FAM135A: variants seen among roughly 807,000 people sequenced by gnomAD.
The protein encoded by FAM135A is family with sequence similarity 135 member A.
FAM135A carries 79 observed loss-of-function variants against 146.8 expected under a neutral mutation model. The ratio of observed to expected loss-of-function variants is 0.54; its 90% CI spans 0.45 to 0.65. The LOEUF is 0.65. FAM135A is among the 30% of genes least tolerant of loss of function. FAM135A has a pLI of 0.00. For missense variants in FAM135A, 1,623 were observed against 1,758.2 expected, an observed-to-expected ratio of 0.92 and a Z score of 1.38; for synonymous variants, 562 against 603.6, an observed-to-expected ratio of 0.93 and a Z score of 1.01.
intron 11 of FAM135A, among the ~76,000 whole-genome samples, chr6:70,492,598 GTCAGTGC>G (rs1363867863): frequency 1.3e-5 from 2 of 150,726 alleles, no homozygotes. Flanking sequence ...CAGGCTAATG[GTCAGTGC>G]TCACAATATA....
At chr6:70,477,420 G>T (rs561521628) in intron 8 of FAM135A, 88 bp downstream of exon 8, 5 of 1,344,310 alleles carry the variant, frequency 3.7e-6, no homozygotes, top group African/African-American at 3.0e-5. Flanking sequence ...AATAAAAGAG[G>T]TTTAATTGGG....
At chr6:70,555,612 A>T (rs1368390281) in intron 20 of FAM135A, among the ~76,000 whole-genome samples, 1 of 151,970 alleles carries the variant, frequency 6.6e-6, no homozygotes, top group Non-Finnish European at 1.5e-5. Flanking sequence ...GTCTTAGATG[A>T]CTCCAGGGGT....
chr6:70,446,340 T>C (rs1562434537), intron 4 of FAM135A, among the ~76,000 whole-genome samples: 1 of 152,222 alleles, frequency 6.6e-6, no homozygotes, highest in African/African-American at 2.4e-5. Flanking sequence ...GAACTCTTGC[T>C]GTACTTCTTA....
chr6:70,429,469 C>T (rs1379550051), intron 4 of FAM135A, among the ~76,000 whole-genome samples: 10 of 151,298 alleles, frequency 6.6e-5, no homozygotes, highest in East Asian at 1.9e-4. Context: ...GCCGAGATTG[C>T]GCTAGTGCAC....
In FAM135A at chr6:70,452,484, T is replaced by A. The variant is rs748185218; in HGVS notation, c.78-8T>A. On this transcript the variant is annotated splice_region_variant and splice_polypyrimidine_tract_variant and intron_variant, in intron 4 of 21. Transcript: ENST00000418814. ...TTTGAAATAACTTCCTTGTTTATTT[T>A]GCTTTAGTTTTTACCAGATTCGTGC... 1 of 1,589,370 alleles carries A rather than the reference T, an allele frequency of 6.3e-7. No individual in the cohort carries two copies. The highest frequency in any genetic ancestry group is 1.2e-5 in the South Asian group (1 of 85,532).
chr6:70,461,628 A>G (rs941277612), intron 5 of FAM135A, among the ~76,000 whole-genome samples: 1 of 152,200 alleles, frequency 6.6e-6, no homozygotes, highest in Non-Finnish European at 1.5e-5. Context: ...ATGAACTAGT[A>G]TGACCAAGAG....
intron 11 of FAM135A, among the ~76,000 whole-genome samples, chr6:70,501,703 C>T (rs1788587633): frequency 6.6e-6 from 1 of 152,168 alleles, no homozygotes; most frequent in African/African-American, 2.4e-5. Context: ...GTAGCACAGC[C>T]CTCATGGCTT....
intron 20 of FAM135A, among the ~76,000 whole-genome samples, chr6:70,543,411 A>G (rs190622061): frequency 6.6e-6 from 1 of 152,342 alleles, no homozygotes; most frequent in East Asian, 1.9e-4. Context: ...GTTGTTCTTA[A>G]TATGAGAAAG....
intron 21 of FAM135A, among the ~76,000 whole-genome samples, chr6:70,559,414 C>G (rs1451897155): frequency 6.6e-6 from 1 of 151,258 alleles, no homozygotes; most frequent in Non-Finnish European, 1.5e-5. Flanking sequence ...GCACTCCAGC[C>G]TGGGCAACAA....
At position 70,540,474 on chromosome 6, in the gene FAM135A, G is replaced by A. The variant is rs531426054; in HGVS notation, c.4228+2073G>A. On this transcript the variant is annotated intron_variant, in intron 20 of 21. Coordinates refer to ENST00000418814, the MANE Select transcript of FAM135A (RefSeq NM_001162529.3). ...TGAGTAGCTGGGACTACAGGCGCCC[G>A]CCACCACGCCCAGCTAATTTTTTGT... Among the ~76,000 whole-genome samples, 126 of 151,796 alleles carry A rather than the reference G, an allele frequency of 8.3e-4. 1 individual carries two copies. In the South Asian group the frequency reaches 0.012, roughly 14 times the overall value.
At chr6:70,417,434 A>G in intron 2 of FAM135A, 1 of 189,986 alleles carries the variant, frequency 5.3e-6, no homozygotes, top group Non-Finnish European at 9.7e-6. Context: ...GCAGGTCTCA[A>G]ACTCCTGGCC....
chr6:70,479,062 A>T (rs1245419299), intron 8 of FAM135A, among the ~76,000 whole-genome samples: 1 of 152,152 alleles, frequency 6.6e-6, no homozygotes, highest in Non-Finnish European at 1.5e-5. Flanking sequence ...TTGTAGTTTT[A>T]AGAAGAACCC....
At position 70,502,796 on chromosome 6, in the gene FAM135A, G is replaced by C; in HGVS notation, c.1029+5G>C. 2 of 1,602,732 alleles carry C rather than the reference G, an allele frequency of 1.2e-6. No homozygotes were observed. Among genetic ancestry groups the C allele is most frequent in the Non-Finnish European group, 1.7e-6 (2 of 1,175,186 alleles). On this transcript the variant is annotated splice_donor_5th_base_variant and intron_variant, in intron 12 of 21. Transcript: ENST00000418814. ...CAAGAGCACCATACTTTGAGGGTAAGTTAAAGAGAAGTGATTTTAGAGCAT... is the reference window on the plus strand; with the variant it reads ...CAAGAGCACCATACTTTGAGGGTAACTTAAAGAGAAGTGATTTTAGAGCAT...
In FAM135A at chr6:70,535,220, C is replaced by T. The variant is rs112232707; in HGVS notation, c.3966-1040C>T. Among the ~76,000 whole-genome samples the T allele has an allele frequency of 5.2e-3, 789 of 152,240 alleles. 5 individuals carry two copies. The highest frequency in any genetic ancestry group is 0.018 in the African/African-American group (737 of 41,556). On this transcript the variant is annotated intron_variant, in intron 18 of 21. Transcript: ENST00000418814. ...GGAGGGAAGTTTGTCCTGAGCGTCT[C>T]GCAAGATATACCTGTAAGCCAGTGT...
At chr6:70,446,915 T>G (rs1683058953) in intron 4 of FAM135A, among the ~76,000 whole-genome samples, 1 of 152,270 alleles carries the variant, frequency 6.6e-6, no homozygotes, top group Non-Finnish European at 1.5e-5. Context: ...GAATTAGAAC[T>G]TGTGCTCCGC....
rs58783773 is a variant in FAM135A at position 70,553,727 on chromosome 6, C to A, written c.4229-3023C>A. On this transcript the variant is annotated intron_variant, in intron 20 of 21. Coordinates refer to ENST00000418814, the MANE Select transcript of FAM135A (RefSeq NM_001162529.3). ...AAGCAGATATAAATTTAAAATTCTT[C>A]CAAACAATTAAAAATAAAATTTAAT... is the stretch of plus-strand genomic sequence containing the variant. 4.2e-3 allele frequency among the ~76,000 whole-genome samples: 643 copies of A among 151,544 alleles called. 4 individuals carry two copies. Among genetic ancestry groups the A allele is most frequent in the African/African-American group, 0.015 (606 of 41,266 alleles).
In FAM135A at chr6:70,536,323, A is replaced by C. The variant is rs374961365; in HGVS notation, c.4029A>C (p.Lys1343Asn). 2.5e-6 allele frequency: 4 copies of C among 1,613,516 alleles called. No homozygotes were observed. Among genetic ancestry groups the C allele is most frequent in the Non-Finnish European group, 1.7e-6 (2 of 1,179,698 alleles). ...CAGTGCTTACAAGGCCAAGGTTTAA[A>C]TATTACCTCAACAAACTTCATACCT... is the stretch of plus-strand genomic sequence containing the variant. ...IRSVLTRPRF[K>N]YYLNKLHTFL... The change falls in exon 19 of 22, where the codon AAA becomes AAC. Residue 1343 changes from lysine to asparagine, a missense_variant. Physicochemically the swap from Lys to Asn is moderately conservative, Grantham distance 94. Around this residue, in one of 7 missense-constraint regions of FAM135A, gnomAD observed 1,061 missense variants for 1,113.8 expected, o/e 0.95. Coordinates refer to ENST00000418814, the MANE Select transcript of FAM135A (RefSeq NM_001162529.3).
chr6:70,556,987 C>G (rs1321041186), intron 21 of FAM135A, 124 bp downstream of exon 21: 1 of 693,880 alleles, frequency 1.4e-6, no homozygotes, highest in Non-Finnish European at 2.5e-6. Context: ...TTTCCACCCA[C>G]TTATATTAAC....
intron 12 of FAM135A, among the ~76,000 whole-genome samples, chr6:70,512,873 A>G (rs1337147082): frequency 6.6e-6 from 1 of 151,768 alleles, no homozygotes; most frequent in African/African-American, 2.4e-5. Flanking sequence ...GAAAAATATT[A>G]TTCTGTATTT....
Sources: gnomAD v4.1 joint callset for allele counts (sites outside exome capture counted in the v4.1 genomes callset) on GRCh38, gnomAD v4.1.1 for gene constraint, gnomAD v4.1.1 regional missense constraint, MANE v1.5 for transcripts, NCBI Gene and HGNC (gene_info 2026-07-23, HGNC 2026-07-21) for gene names.